Variants in CACNA2D3 observed in about 807,000 individuals in gnomAD.
CACNA2D3 encodes the protein voltage-dependent calcium channel subunit alpha-2/delta-3.
Under a neutral mutation model 160.6 loss-of-function variants are expected in CACNA2D3, and 60 were observed. The ratio of observed to expected loss-of-function variants is 0.37; its 90% CI spans 0.30 to 0.46. The LOEUF (loss-of-function observed/expected upper bound fraction) is 0.46, where lower values mean the gene tolerates loss of function less well. Ranked by LOEUF, CACNA2D3 falls within the 20% of genes least tolerant of loss-of-function variation. The pLI, the probability that CACNA2D3 is intolerant of heterozygous loss-of-function variation, is 1.00. For missense variants in CACNA2D3, 1,205 were observed against 1,365.0 expected (o/e 0.88, Z 1.85); for synonymous variants, 558 against 492.9 (o/e 1.13, Z -1.75).
At chr3:54,375,441 G>T (rs1373617937) in intron 3 of CACNA2D3, among the ~76,000 whole-genome samples, 1 of 152,152 alleles carries the variant, frequency 6.6e-6, no homozygotes, top group Non-Finnish European at 1.5e-5. Context: ...TCCTTTGTTA[G>T]GGGGTGGGGT....
intron 35 of CACNA2D3, among the ~76,000 whole-genome samples, chr3:55,032,398 T>A (rs1287500285): frequency 6.6e-6 from 1 of 152,182 alleles, no homozygotes; most frequent in African/African-American, 2.4e-5. Context: ...AAGCATCCAG[T>A]TTGACAGGAG....
intron 4 of CACNA2D3, among the ~76,000 whole-genome samples, chr3:54,461,089 C>T (rs1031677292): frequency 2.2e-4 from 34 of 151,854 alleles, no homozygotes; most frequent in East Asian, 1.6e-3. Context: ...TATTGATTTG[C>T]GTATATTGAA....
chr3:54,669,026 G>C (rs532331552), intron 11 of CACNA2D3, among the ~76,000 whole-genome samples: 10 of 152,188 alleles, frequency 6.6e-5, no homozygotes, highest in African/African-American at 2.2e-4. Flanking sequence ...TTTTCTTCTT[G>C]GCATTTATCT....
chr3:54,554,113 G>T (rs1021691023), intron 5 of CACNA2D3, among the ~76,000 whole-genome samples: 1 of 152,118 alleles, frequency 6.6e-6, no homozygotes, highest in Non-Finnish European at 1.5e-5. Flanking sequence ...GCTCTTGCTA[G>T]CGTAGGCATT....
chr3:54,134,005 G>A (rs1486027129), intron 2 of CACNA2D3, among the ~76,000 whole-genome samples: 2 of 152,194 alleles, frequency 1.3e-5, no homozygotes, highest in African/African-American at 4.8e-5. Context: ...CCCAGGAAGT[G>A]CCGAGTAAAT....
Position 54,763,825 on chromosome 3 carries a change from GTA to G in CACNA2D3, c.1247-385_1247-384del, listed in dbSNP as rs1217744897. 6.9e-5 allele frequency among the ~76,000 whole-genome samples: 4 copies of G among 58,316 alleles called. 1 individual carries two copies. The highest frequency in any genetic ancestry group is 2.8e-4 in the African/African-American group (4 of 14,372). The allele number at this position is 58,316 out of a possible 152,430, so 38.3% of individuals were successfully genotyped here. ...TACATATATATACATATATATATAC[GTA>G]TATATATGTATATATATGTACATAT... On this transcript the variant is annotated intron_variant, in intron 12 of 37. Transcript: ENST00000474759.
chr3:54,226,491 A>G (rs544502799), intron 2 of CACNA2D3, among the ~76,000 whole-genome samples: 283 of 152,032 alleles, frequency 1.9e-3, no homozygotes, highest in Non-Finnish European at 3.0e-3. Context: ...TTGTTGAGAC[A>G]AGGGTCTTGA....
At chr3:54,408,442 C>T (rs1382166452) in intron 4 of CACNA2D3, among the ~76,000 whole-genome samples, 2 of 151,952 alleles carry the variant, frequency 1.3e-5, no homozygotes, top group East Asian at 3.8e-4. Context: ...GACAGATACC[C>T]TGAAAGAACA....
rs113464160 is a variant in CACNA2D3 at position 54,421,541 on chromosome 3, C to T, written c.381+34767C>T. Among the ~76,000 whole-genome samples the T allele has an allele frequency of 2.8e-3, 420 of 152,186 alleles. 3 individuals are homozygous for T. Among genetic ancestry groups the T allele is most frequent in the African/African-American group, 9.6e-3 (398 of 41,532 alleles). On this transcript the variant is annotated intron_variant, in intron 4 of 37. Coordinates refer to ENST00000474759, the MANE Select transcript of CACNA2D3 (RefSeq NM_018398.3). ...CTCAGGGGTCCCTTGGGAGTGTCTG[C>T]GGATGGGATTCTATATACCCTTCCA...
intron 5 of CACNA2D3, among the ~76,000 whole-genome samples, chr3:54,558,868 G>T (rs1702280474): frequency 6.6e-6 from 1 of 152,136 alleles, no homozygotes. Flanking sequence ...TTAGTAGTTG[G>T]ATGCTTTTAG....
chr3:54,731,340 A>G (rs1307345386), intron 11 of CACNA2D3, among the ~76,000 whole-genome samples: 1 of 152,212 alleles, frequency 6.6e-6, no homozygotes, highest in Non-Finnish European at 1.5e-5. Context: ...TGGCATGGAT[A>G]ATTGACACTT....
At chr3:54,187,967 A>T (rs941752723) in intron 2 of CACNA2D3, among the ~76,000 whole-genome samples, 2 of 152,110 alleles carry the variant, frequency 1.3e-5, no homozygotes, top group Middle Eastern at 3.4e-3. Flanking sequence ...CCTGATGTTT[A>T]TCATACAGGG....
intron 2 of CACNA2D3, among the ~76,000 whole-genome samples, chr3:54,213,489 A>G (rs771025166): frequency 6.6e-6 from 1 of 152,064 alleles, no homozygotes; most frequent in African/African-American, 2.4e-5. Flanking sequence ...CCTTTACTGG[A>G]TTTCTCCATC....
intron 16 of CACNA2D3, among the ~76,000 whole-genome samples, chr3:54,844,890 A>C (rs1698900165): frequency 6.6e-6 from 1 of 152,168 alleles, no homozygotes; most frequent in Non-Finnish European, 1.5e-5. Flanking sequence ...TTTGAGTTTG[A>C]ATTCCCAAAT....
intron 27 of CACNA2D3, among the ~76,000 whole-genome samples, chr3:54,943,982 T>A (rs1400235053): frequency 6.6e-6 from 1 of 152,218 alleles, no homozygotes; most frequent in Admixed American, 6.5e-5. Flanking sequence ...AGGTCTTCAT[T>A]CCATGCCTTC....
chr3:55,049,789 G>C (rs1704146710), intron 35 of CACNA2D3, among the ~76,000 whole-genome samples: 2 of 150,192 alleles, frequency 1.3e-5, no homozygotes, highest in African/African-American at 4.9e-5. Context: ...GGGTGCTCCT[G>C]TATTGGGTGC....
At chr3:54,445,555 TACACACACACACACACACACACAC>T (rs3028897) in intron 4 of CACNA2D3, among the ~76,000 whole-genome samples, 1 of 147,112 alleles carries the variant, frequency 6.8e-6, no homozygotes, top group Non-Finnish European at 1.5e-5. Context: ...TTTCTATGTA[TACACACACACACACACACACACAC>T]ACACACACAC....
At chr3:54,968,143 A>G (rs1437163086) in intron 27 of CACNA2D3, among the ~76,000 whole-genome samples, 1 of 151,322 alleles carries the variant, frequency 6.6e-6, no homozygotes, top group Admixed American at 6.6e-5. Context: ...TCCTCTTCTC[A>G]GCTTGTGTTG....
chr3:54,945,996 C>G (rs1701604820), intron 27 of CACNA2D3, among the ~76,000 whole-genome samples: 1 of 152,234 alleles, frequency 6.6e-6, no homozygotes, highest in Non-Finnish European at 1.5e-5. Context: ...ATTCGCCTAG[C>G]TCTTTCCAAA....
Sources: gnomAD v4.1 joint callset for allele counts (sites outside exome capture counted in the v4.1 genomes callset) on GRCh38, gnomAD v4.1.1 for gene constraint, MANE v1.5 for transcripts, NCBI Gene and HGNC (gene_info 2026-07-23, HGNC 2026-07-21) for gene names.